The following KCTD16 variants were observed in gnomAD, a reference collection of about 807,000 sequenced individuals.
KCTD16 encodes potassium channel tetramerization domain containing 16.
In KCTD16, 13 loss-of-function variants were observed where a neutral mutation model predicts 33.2. The ratio of observed to expected loss-of-function variants is 0.39; its 90% CI spans 0.25 to 0.62. The LOEUF is 0.62. Among genes scored for constraint, KCTD16 ranks in the 20% least tolerant of loss-of-function variants. KCTD16 has a pLI of 0.50. For missense variants in KCTD16, 441 were observed against 525.1 expected, an observed-to-expected ratio of 0.84 and a Z score of 1.57; for synonymous variants, 197 against 195.3, an observed-to-expected ratio of 1.01 and a Z score of -0.07.
chr5:144,273,018 T>C (rs191306858), intron 3 of KCTD16, among the ~76,000 whole-genome samples: 2 of 152,152 alleles, frequency 1.3e-5, no homozygotes, highest in African/African-American at 4.8e-5. Flanking sequence ...GAAGACAATA[T>C]CAACAAAGTA....
At chr5:144,435,328 A>G (rs1753551331) in intron 3 of KCTD16, among the ~76,000 whole-genome samples, 1 of 152,190 alleles carries the variant, frequency 6.6e-6, no homozygotes, top group African/African-American at 2.4e-5. Flanking sequence ...TAAGTTGCTG[A>G]TAGCAATGTC....
chr5:144,456,091 A>G (rs1754054728), intron 3 of KCTD16, among the ~76,000 whole-genome samples: 1 of 152,048 alleles, frequency 6.6e-6, no homozygotes, highest in Non-Finnish European at 1.5e-5. Context: ...CCCTCAAATG[A>G]TAGGAATGGG....
At chr5:144,220,734 G>T (rs1753720567) in intron 3 of KCTD16, among the ~76,000 whole-genome samples, 1 of 152,158 alleles carries the variant, frequency 6.6e-6, no homozygotes, top group South Asian at 2.1e-4. Context: ...TAGGTCAGGA[G>T]ATCGAGACCA....
chr5:144,200,918 A>G (rs1186125532), intron 2 of KCTD16, among the ~76,000 whole-genome samples: 1 of 151,992 alleles, frequency 6.6e-6, no homozygotes, highest in East Asian at 1.9e-4. Context: ...TCTATTTCTT[A>G]ATGTATTTTT....
intron 3 of KCTD16, among the ~76,000 whole-genome samples, chr5:144,342,234 A>G (rs1034478212): frequency 1.3e-5 from 2 of 152,102 alleles, no homozygotes; most frequent in African/African-American, 4.8e-5. Flanking sequence ...ATTTGTTTGT[A>G]TCCTGTTTTA....
chr5:144,421,708 A>G (rs1305823810), intron 3 of KCTD16, among the ~76,000 whole-genome samples: 1 of 152,164 alleles, frequency 6.6e-6, no homozygotes, highest in African/African-American at 2.4e-5. Context: ...CTTTCGGCAC[A>G]TTCCGGACTT....
intron 3 of KCTD16, among the ~76,000 whole-genome samples, chr5:144,340,779 G>A (rs1752613791): frequency 6.6e-6 from 1 of 152,112 alleles, no homozygotes; most frequent in East Asian, 1.9e-4. Flanking sequence ...ACCAGGTGCG[G>A]TGGCTCATGC....
chr5:144,184,935 C>G lies in KCTD16; in HGVS notation c.-327+10463C>G, dbSNP rs1055832333. 4.9e-4 allele frequency among the ~76,000 whole-genome samples: 75 copies of G among 152,140 alleles called. 1 individual carries two copies. Among genetic ancestry groups the G allele is most frequent in the African/African-American group, 1.7e-3 (70 of 41,444 alleles). ...CATGGTAAGAGCCATTTCCCTTGTT[C>G]TTTTTGATAAACTACATCACCATTA... is the stretch of plus-strand genomic sequence containing the variant. On this transcript the variant is annotated intron_variant, in intron 2 of 3. Coordinates refer to ENST00000512467, the MANE Select transcript of KCTD16 (RefSeq NM_020768.4).
intron 3 of KCTD16, among the ~76,000 whole-genome samples, chr5:144,436,610 G>A (rs1753584825): frequency 6.7e-6 from 1 of 148,698 alleles, no homozygotes; most frequent in African/African-American, 2.5e-5. Context: ...TTTTTGAGAC[G>A]GAGTATCGCT....
chr5:144,360,144 C>A (rs964161903), intron 3 of KCTD16, among the ~76,000 whole-genome samples: 6 of 151,908 alleles, frequency 3.9e-5, no homozygotes, highest in African/African-American at 1.2e-4. Flanking sequence ...ACAGAATGTG[C>A]AGGTTTGTTA....
At chr5:144,235,287 A>G (rs568939334) in intron 3 of KCTD16, among the ~76,000 whole-genome samples, 2 of 152,090 alleles carry the variant, frequency 1.3e-5, no homozygotes, top group Non-Finnish European at 1.5e-5. Context: ...TGGAGGTTCT[A>G]TGTGCCTCTC....
chr5:144,310,471 C>G (rs758502523), intron 3 of KCTD16, among the ~76,000 whole-genome samples: 1 of 94,482 alleles, frequency 1.1e-5, no homozygotes, highest in Non-Finnish European at 2.8e-5. Context: ...TTTGAAAACT[C>G]TCCACACTGT....
chr5:144,230,707 A>T (rs1483060016), intron 3 of KCTD16, among the ~76,000 whole-genome samples: 2 of 152,198 alleles, frequency 1.3e-5, no homozygotes, highest in Non-Finnish European at 2.9e-5. Flanking sequence ...TGTATAATGT[A>T]TGAATATATG....
chr5:144,237,269 T>C (rs1344038411), intron 3 of KCTD16, among the ~76,000 whole-genome samples: 1 of 152,044 alleles, frequency 6.6e-6, no homozygotes, highest in Non-Finnish European at 1.5e-5. Flanking sequence ...TAGTTTCTCA[T>C]CCCATTAAAG....
intron 3 of KCTD16, among the ~76,000 whole-genome samples, chr5:144,411,638 G>A (rs561899728): frequency 5.3e-4 from 80 of 152,212 alleles, no homozygotes; most frequent in Middle Eastern, 3.4e-3. Context: ...GAATTTTTTG[G>A]ATAGTACCTC....
At chr5:144,222,642 A>T (rs2126804948) in intron 3 of KCTD16, among the ~76,000 whole-genome samples, 1 of 152,362 alleles carries the variant, frequency 6.6e-6, no homozygotes, top group South Asian at 2.1e-4. Flanking sequence ...TCAGGAAACG[A>T]CAGGTGCTGG....
chr5:144,417,673 A>C (rs1480851903), intron 3 of KCTD16, among the ~76,000 whole-genome samples: 1 of 152,152 alleles, frequency 6.6e-6, no homozygotes, highest in African/African-American at 2.4e-5. Flanking sequence ...ATCCATTACC[A>C]AACCCAAGGT....
At chr5:144,367,958 C>T (rs1042302940) in intron 3 of KCTD16, among the ~76,000 whole-genome samples, 1 of 151,552 alleles carries the variant, frequency 6.6e-6, no homozygotes, top group African/African-American at 2.4e-5. Flanking sequence ...TCTTCTGATA[C>T]GTTCTAACAT....
chr5:144,302,450 A>T (rs894621762), intron 3 of KCTD16, among the ~76,000 whole-genome samples: 8 of 152,240 alleles, frequency 5.3e-5, no homozygotes, highest in Admixed American at 4.6e-4. Flanking sequence ...ATGGTGTTCA[A>T]CCATGACTTT....
Sources: allele counts gnomAD v4.1 joint callset (sites outside exome capture counted in the v4.1 genomes callset), GRCh38; gene constraint gnomAD v4.1.1; transcripts MANE v1.5; gene names NCBI Gene and HGNC (gene_info 2026-07-23, HGNC 2026-07-21).